SCRIB: variants seen among roughly 807,000 people sequenced by gnomAD.
SCRIB encodes protein scribble homolog.
SCRIB carries 72 observed loss-of-function variants against 170.0 expected under a neutral mutation model. The observed-to-expected ratio is 0.42, with a 90% CI of 0.35 to 0.52. SCRIB has a LOEUF of 0.52. Ranked by LOEUF, SCRIB falls within the 20% of genes least tolerant of loss-of-function variation. The probability of loss-of-function intolerance (pLI) is 0.02; values close to 1 mark genes in which losing one functional copy is unlikely to be tolerated. For missense variants in SCRIB, 2,475 were observed against 2,338.5 expected (o/e 1.06, Z -1.20); for synonymous variants, 1,298 against 1,044.3 (o/e 1.24, Z -4.68).
intron 24 of SCRIB, among the ~76,000 whole-genome samples, chr8:143,796,823 A>C: frequency 6.6e-6 from 1 of 152,166 alleles, no homozygotes; most frequent in Non-Finnish European, 1.5e-5. Flanking sequence ...GCAGAGTGGG[A>C]AGCAAGGTCC....
Position 143,812,514 on chromosome 8 carries a change from G to C in SCRIB, c.788-130C>G, listed in dbSNP as rs370086371. 1.8e-4 allele frequency: 129 copies of C among 712,524 alleles called. 2 individuals carry two copies. In the East Asian group the frequency reaches 2.4e-3, roughly 13 times the overall value. The allele number at this position is 712,524 out of a possible 1,614,324, so 44.1% of individuals were successfully genotyped here. On this transcript the variant is annotated intron_variant, in intron 8 of 36. Coordinates refer to ENST00000356994, the MANE Select transcript of SCRIB (RefSeq NM_182706.5). ...CTTCTGCCGCCGCCGTACTTCGGGA[G>C]GACCCTACCTACCTTGCCCCACAAG...
At chr8:143,797,151 G>A (rs1315878104) in intron 24 of SCRIB, among the ~76,000 whole-genome samples, 1 of 152,232 alleles carries the variant, frequency 6.6e-6, no homozygotes, top group African/African-American at 2.4e-5. Context: ...GAGGCAGAAG[G>A]TGAGGGGCTG....
At chr8:143,792,929 AC>A (rs1554633314) in intron 29 of SCRIB, 46 bp downstream of exon 29, 1 of 1,494,226 alleles carries the variant, frequency 6.7e-7, no homozygotes, top group Non-Finnish European at 8.9e-7. Flanking sequence ...GCCCCCGGGC[AC>A]CCACCCCAAC....
chr8:143,812,711 T>A, intron 8 of SCRIB, 106 bp downstream of exon 8: 2 of 1,431,494 alleles, frequency 1.4e-6, no homozygotes, highest in Non-Finnish European at 1.9e-6. Context: ...CTGGGCACAC[T>A]CAGGATCCTC....
Position 143,791,107 on chromosome 8 carries a change from G to C in SCRIB, c.*56C>G. The C allele has an allele frequency of 7.3e-7, 1 of 1,377,526 alleles. No homozygotes were observed. The highest frequency in any genetic ancestry group is 9.4e-7 in the Non-Finnish European group (1 of 1,066,112). 85.3% of individuals were successfully genotyped at this position (1,377,526 alleles called of 1,614,324 possible). On this transcript the variant is annotated 3_prime_UTR_variant, in exon 37 of 37. Transcript: ENST00000356994. ...CCAGGTTAAAAGACTTGGGGCAAGG[G>C]TGGTGCTGGAGCTGGCAGGGCCCCC...
intron 11 of SCRIB, 36 bp from the exon 12 acceptor site, chr8:143,810,852 C>T (rs375098422): frequency 1.8e-4 from 289 of 1,606,320 alleles, no homozygotes; most frequent in Non-Finnish European, 2.2e-4. Context: ...AGGCTAGTCC[C>T]CAAACCCTGC....
At chr8:143,793,246 A>C in intron 28 of SCRIB, 163 bp from the exon 29 acceptor site, 1 of 518,352 alleles carries the variant, frequency 1.9e-6, no homozygotes, top group Non-Finnish European at 3.4e-6. Context: ...CCCACGGGAC[A>C]GAGCACTCAC....
intron 17 of SCRIB, 112 bp from the exon 18 acceptor site, chr8:143,806,596 G>T: frequency 1.2e-6 from 1 of 851,936 alleles, no homozygotes. Context: ...CCTAGCCCTG[G>T]CCAGCAGGAG....
intron 22 of SCRIB, 22 bp from the exon 23 acceptor site, chr8:143,803,962 G>T: frequency 6.4e-7 from 1 of 1,573,072 alleles, no homozygotes; most frequent in Admixed American, 1.8e-5. Context: ...GAGGGTGGCA[G>T]CTGGTGGCTG....
Position 143,804,778 on chromosome 8 carries a change from G to A in SCRIB, c.2799C>T (p.Ser933=), listed in dbSNP as rs569965977. The part of the protein sequence containing the change: ...VTEARHDHAV[S]LLTAASPTIA... ...TGGTGGGGGAGGCAGCGGTCAGCAG[G>A]GAGACGGCGTGGTCATGCCTGGCCT... The change falls in exon 21 of 37, where the codon TCC becomes TCT. Residue 933 remains serine, a synonymous_variant. Coordinates refer to ENST00000356994, the MANE Select transcript of SCRIB (RefSeq NM_182706.5). The A allele has an allele frequency of 8.7e-6, 14 of 1,602,320 alleles. No individual in the cohort carries two copies. The East Asian group carries it at 1.3e-4, about 15-fold the overall frequency.
chr8:143,803,725 GC>G lies in SCRIB; in HGVS notation c.3335del (p.Gly1112AlafsTer28). On this transcript the variant is annotated frameshift_variant, in exon 23 of 37. Coordinates refer to ENST00000356994, the MANE Select transcript of SCRIB (RefSeq NM_182706.5). LOFTEE classifies it high-confidence loss of function. ...CCCTGGCACCCCCGCGGATGCTGAT[GC>G]CCAGCCTCTCCCCAGGTGCCTTCTG... is the stretch of plus-strand genomic sequence containing the variant. Reference protein sequence around the residue: ...CIQKAPGERLGISIRGGARGH... With the variant: ...CIQKAPGERLXISIRGGARGH... 1 of 1,595,170 alleles carries G rather than the reference GC, an allele frequency of 6.3e-7. No individual in the cohort carries two copies.
Position 143,808,745 on chromosome 8 carries a change from T to A in SCRIB, c.1979A>T (p.Glu660Val), listed in dbSNP as rs1554637259. ...HAPWAPRAQKEEEEEEEGSPQ... is the reference protein window; with the variant it reads ...HAPWAPRAQKVEEEEEEGSPQ... ...ACTACCCTCTTCCTCCTCCTCCTCC[T>A]CCTTCTGGGCCCGAGGAGCCCAGGG... The change falls in exon 15 of 37, where the codon GAG (glutamate) becomes GTG (valine). Residue 660 changes from glutamate to valine, a missense_variant. Physicochemically the swap from Glu to Val is moderately radical, Grantham distance 121 (BLOSUM62 -2). Around this residue, in one of 3 missense-constraint regions of SCRIB, gnomAD observed 1,966 missense variants for 1,742.9 expected, o/e 1.13. Transcript: ENST00000356994. 2 of 1,604,626 alleles carry A rather than the reference T, an allele frequency of 1.2e-6. No homozygotes were observed. Among genetic ancestry groups the A allele is most frequent in the African/African-American group, 1.3e-5 (1 of 74,706 alleles).
Position 143,791,110 on chromosome 8 carries a change from G to A in SCRIB, c.*53C>T. 1 of 1,382,610 alleles carries A rather than the reference G, an allele frequency of 7.2e-7. No individual in the cohort carries two copies. Among genetic ancestry groups the A allele is most frequent in the South Asian group, 1.9e-5 (1 of 52,762 alleles). 85.6% of individuals were successfully genotyped at this position (1,382,610 alleles called of 1,614,324 possible). On this transcript the variant is annotated 3_prime_UTR_variant, in exon 37 of 37. Coordinates refer to ENST00000356994, the MANE Select transcript of SCRIB (RefSeq NM_182706.5). ...GGTTAAAAGACTTGGGGCAAGGGTG[G>A]TGCTGGAGCTGGCAGGGCCCCCACC...
chr8:143,811,686 C>T (rs1380923621), intron 9 of SCRIB, among the ~76,000 whole-genome samples: 1 of 152,108 alleles, frequency 6.6e-6, no homozygotes, highest in Non-Finnish European at 1.5e-5. Flanking sequence ...CCTGTCATCC[C>T]TAGGGCTCCC....
chr8:143,792,474 CG>C lies in SCRIB; in HGVS notation c.4328+10del. 1 of 1,527,732 alleles carries C rather than the reference CG, an allele frequency of 6.5e-7. No individual in the cohort carries two copies. Among genetic ancestry groups the C allele is most frequent in the Non-Finnish European group, 8.8e-7 (1 of 1,141,104 alleles). The allele number at this position is 1,527,732 out of a possible 1,614,324, so 94.6% of individuals were successfully genotyped here. A position where few individuals can be genotyped will look rare whatever the true frequency, so the allele number is the denominator to read the frequency against. Reference sequence around the variant, plus strand: ...GGGTGAGTAGGGGGCGTCTGGTGGGCGGGTGCTCACCTTGAGGTGGGGCTCG... The same window carrying C: ...GGGTGAGTAGGGGGCGTCTGGTGGGCGGTGCTCACCTTGAGGTGGGGCTCG... On this transcript the variant is annotated intron_variant, in intron 31 of 36. Coordinates refer to ENST00000356994, the MANE Select transcript of SCRIB (RefSeq NM_182706.5).
chr8:143,805,158 C>G lies in SCRIB; in HGVS notation c.2624G>C (p.Ser875Thr). ...TGTGGAGCCTTTCCCACCAGCAATG[C>G]TGAAGCCCAGCCCCCTCTCGCTGCG... ...LARSERGLGFSIAGGKGSTPY... is the reference protein window; with the variant it reads ...LARSERGLGFTIAGGKGSTPY... The change falls in exon 19 of 37, where the codon AGC becomes ACC. Residue 875 changes from serine (S) to threonine (T), a missense_variant. Transcript: ENST00000356994. The G allele has an allele frequency of 2.5e-6, 4 of 1,577,372 alleles. No homozygotes were observed. The highest frequency in any genetic ancestry group is 3.4e-6 in the Non-Finnish European group (4 of 1,160,688).
Position 143,810,506 on chromosome 8 carries a change from G to A in SCRIB, c.1503C>T (p.Asp501=). The A allele has an allele frequency of 1.9e-6, 3 of 1,611,618 alleles. No homozygotes were observed. The highest frequency in any genetic ancestry group is 2.5e-6 in the Non-Finnish European group (3 of 1,179,916). Residue 501 remains aspartate (D), a synonymous_variant, in exon 13 of 37, where the codon GAC becomes GAT. Coordinates refer to ENST00000356994, the MANE Select transcript of SCRIB (RefSeq NM_182706.5). The part of the protein sequence containing the change: ...RRSEACPCQP[D]SGSPLPAEEE... ...CCTCTGCAGGCAAGGGCGACCCAGA[G>A]TCTGGCTGGCAAGGGCAGGCCTCGC...
intron 24 of SCRIB, among the ~76,000 whole-genome samples, chr8:143,798,488 T>C (rs996555726): frequency 1.3e-5 from 2 of 152,072 alleles, no homozygotes; most frequent in East Asian, 3.9e-4. Flanking sequence ...CTGTTTTTGT[T>C]TTTTAGAGTC....
At chr8:143,794,038 G>A in intron 27 of SCRIB, 76 bp from the exon 28 acceptor site, 1 of 1,442,800 alleles carries the variant, frequency 6.9e-7, no homozygotes, top group Admixed American at 1.8e-5. Flanking sequence ...GGGGGCCCTG[G>A]GGCTTGCCTA....
Sources: allele counts gnomAD v4.1 joint callset (sites outside exome capture counted in the v4.1 genomes callset), GRCh38; gene constraint gnomAD v4.1.1; regional missense constraint gnomAD v4.1.1; transcripts MANE v1.5; gene names NCBI Gene and HGNC (gene_info 2026-07-23, HGNC 2026-07-21).